Variants in NASP observed in about 807,000 individuals in gnomAD.
NASP encodes the protein nuclear autoantigenic sperm protein, also known as NASP histone chaperone.
In NASP, 24 loss-of-function variants were observed where a neutral mutation model predicts 89.5. The ratio of observed to expected loss-of-function variants is 0.27; its 90% CI spans 0.19 to 0.38. The LOEUF (loss-of-function observed/expected upper bound fraction) is 0.38. Among genes scored for constraint, NASP ranks in the 10% least tolerant of loss-of-function variants. The pLI is 1.00. For synonymous variants in NASP, 306 were observed against 324.7 expected, an observed-to-expected ratio of 0.94 and a Z score of 0.62; for missense variants, 848 against 921.4, an observed-to-expected ratio of 0.92 and a Z score of 1.03.
intron 1 of NASP, chr1:45,588,646 T>G (rs1437436854): frequency 6.6e-6 from 3 of 453,450 alleles, no homozygotes; most frequent in Non-Finnish European, 1.3e-5. Flanking sequence ...TTTGTTTCTC[T>G]TAAGAATGAG....
chr1:45,584,231 G>T, intron 1 of NASP, 26 bp downstream of exon 1: 1 of 1,564,300 alleles, frequency 6.4e-7, no homozygotes, highest in Non-Finnish European at 8.7e-7. Flanking sequence ...GAAAGCTTAA[G>T]GCACTGGCCA....
chr1:45,614,641 C>T (rs1414002543), intron 9 of NASP, among the ~76,000 whole-genome samples: 2 of 151,824 alleles, frequency 1.3e-5, no homozygotes, highest in African/African-American at 2.4e-5. Context: ...CGGGTTCAAG[C>T]GATTCTCCTG....
At chr1:45,594,133 C>T (rs898652039) in intron 2 of NASP, among the ~76,000 whole-genome samples, 1 of 150,830 alleles carries the variant, frequency 6.6e-6, no homozygotes, top group African/African-American at 2.4e-5. Context: ...CAAGATCAGC[C>T]TGGCCAACAT....
At chr1:45,593,559 C>G (rs996586564) in intron 2 of NASP, among the ~76,000 whole-genome samples, 1 of 148,518 alleles carries the variant, frequency 6.7e-6, no homozygotes, top group African/African-American at 2.5e-5. Context: ...AAAAAAACTC[C>G]GAGAACAGTT....
At chr1:45,608,998 T>C (rs1337023557) in intron 6 of NASP, among the ~76,000 whole-genome samples, 4 of 152,028 alleles carry the variant, frequency 2.6e-5, no homozygotes, top group Non-Finnish European at 5.9e-5. Context: ...AACCATTAGC[T>C]CTCTTCCTGT....
At chr1:45,602,472 C>A in intron 3 of NASP, 107 bp downstream of exon 3, 1 of 1,090,086 alleles carries the variant, frequency 9.2e-7, no homozygotes, top group Non-Finnish European at 1.3e-6. Context: ...AGTTTTAAAA[C>A]ATTTGATTAT....
intron 3 of NASP, among the ~76,000 whole-genome samples, chr1:45,604,246 T>C (rs1643883772): frequency 6.6e-6 from 1 of 152,222 alleles, no homozygotes; most frequent in Admixed American, 6.5e-5. Context: ...TTACCTTACA[T>C]AGAGAAGTAC....
At chr1:45,604,598 TC>T (rs1377276064) in intron 3 of NASP, among the ~76,000 whole-genome samples, 2 of 152,190 alleles carry the variant, frequency 1.3e-5, no homozygotes, top group Non-Finnish European at 2.9e-5. Context: ...ATCCTCTAGG[TC>T]CCAGCCAAAG....
At chr1:45,604,856 C>A in intron 3 of NASP, 80 bp from the exon 4 acceptor site, 1 of 1,079,490 alleles carries the variant, frequency 9.3e-7, no homozygotes, top group Non-Finnish European at 1.4e-6. Context: ...GGAGAAATAT[C>A]AATTTATAAC....
intron 1 of NASP, among the ~76,000 whole-genome samples, chr1:45,585,389 A>G (rs956667842): frequency 6.6e-6 from 1 of 152,178 alleles, no homozygotes; most frequent in East Asian, 1.9e-4. Context: ...TTGTTTGTTT[A>G]TAGTTAGAGA....
In NASP at chr1:45,606,490, A is replaced by C. The variant is rs1557659973; in HGVS notation, c.308A>C (p.Asn103Thr). The C allele has an allele frequency of 1.2e-6, 2 of 1,612,808 alleles. No individual in the cohort carries two copies. The highest frequency in any genetic ancestry group is 1.7e-6 in the Non-Finnish European group (2 of 1,178,910). Residue 103 changes from asparagine to threonine, a missense_variant, in exon 5 of 15, where the codon AAT (asparagine) becomes ACT (threonine). By Grantham distance (65) the Asn-to-Thr change is moderately conservative. Coordinates refer to ENST00000350030, the MANE Select transcript of NASP (RefSeq NM_002482.4). ...TTCTTTTGTTCTCCTAGAATGGAGA[A>C]TGGTGTGTTGGGAAACGCCTTGGAA... ...KSLLELARME[N>T]GVLGNALEGV...
chr1:45,584,840 C>G (rs376588603), intron 1 of NASP, among the ~76,000 whole-genome samples: 1 of 152,168 alleles, frequency 6.6e-6, no homozygotes, highest in African/African-American at 2.4e-5. Context: ...GTGGGGCCGG[C>G]GAGGCTAGTT....
At chr1:45,590,731 C>T (rs531696260) in intron 1 of NASP, among the ~76,000 whole-genome samples, 1 of 140,298 alleles carries the variant, frequency 7.1e-6, no homozygotes, top group South Asian at 2.2e-4. Context: ...TGATATCTCC[C>T]TGACATTGTA....
At chr1:45,608,968 C>G (rs977356116) in intron 6 of NASP, among the ~76,000 whole-genome samples, 2 of 152,070 alleles carry the variant, frequency 1.3e-5, no homozygotes, top group Non-Finnish European at 2.9e-5. Context: ...CCCCACCTTC[C>G]CCAAGGCAAC....
intron 11 of NASP, 49 bp from the exon 12 acceptor site, chr1:45,616,288 C>G: frequency 6.5e-7 from 1 of 1,550,222 alleles, no homozygotes; most frequent in Non-Finnish European, 8.9e-7. Flanking sequence ...AGGCTGTGGG[C>G]GGCCTGGGTT....
At chr1:45,590,211 T>C (rs988426114) in intron 1 of NASP, among the ~76,000 whole-genome samples, 1 of 152,156 alleles carries the variant, frequency 6.6e-6, no homozygotes, top group Admixed American at 6.5e-5. Flanking sequence ...TAGTTCACCC[T>C]CTTTTCTATT....
At position 45,618,580 on chromosome 1, in the gene NASP, A is replaced by C. The variant is rs2148380127; in HGVS notation, c.*439A>C. 6.0e-6 allele frequency: 1 copy of C among 165,642 alleles called. No individual in the cohort carries two copies. The highest frequency in any genetic ancestry group is 5.8e-5 in the Admixed American group (1 of 17,294). The allele number at this position is 165,642 out of a possible 1,614,324, so 10.3% of individuals were successfully genotyped here. A position where few individuals can be genotyped will look rare whatever the true frequency, so the allele number is the denominator to read the frequency against. ...AAATGGATGATGGACTTTGGCTGTG[A>C]GCCAGGCCTAGGATGGTTCTTGTCC... is the stretch of plus-strand genomic sequence containing the variant. On this transcript the variant is annotated 3_prime_UTR_variant, in exon 15 of 15. Coordinates refer to ENST00000350030, the MANE Select transcript of NASP (RefSeq NM_002482.4).
At chr1:45,594,802 T>C in intron 2 of NASP, 1 of 417,264 alleles carries the variant, frequency 2.4e-6, no homozygotes, top group Admixed American at 2.5e-5. Flanking sequence ...GGCATAAGCA[T>C]TTGATTTTTA....
At position 45,607,576 on chromosome 1, in the gene NASP, C is replaced by T. The variant is rs758161978; in HGVS notation, c.665C>T (p.Pro222Leu). 1.7e-5 allele frequency: 28 copies of T among 1,613,626 alleles called. No homozygotes were observed. The highest frequency in any genetic ancestry group is 4.0e-5 in the African/African-American group (3 of 74,842). Residue 222 changes from proline to leucine, a missense_variant, in exon 6 of 15, where the codon CCG becomes CTG. By Grantham distance (98) the Pro-to-Leu change is moderately conservative. Coordinates refer to ENST00000350030, the MANE Select transcript of NASP (RefSeq NM_002482.4). Reference sequence around the variant, plus strand: ...AAAGGAGGAGCAGCACCAGAAGGACCGAATGAAGCTGAGGTCACTTCTGGG... The same window carrying T: ...AAAGGAGGAGCAGCACCAGAAGGACTGAATGAAGCTGAGGTCACTTCTGGG... ...EAKGGAAPEG[P>L]NEAEVTSGKP...
Sources: gnomAD v4.1 joint callset for allele counts (sites outside exome capture counted in the v4.1 genomes callset) on GRCh38, gnomAD v4.1.1 for gene constraint, MANE v1.5 for transcripts, NCBI Gene and HGNC (gene_info 2026-07-23, HGNC 2026-07-21) for gene names.